Variants in ATP13A4 observed in about 807,000 individuals in gnomAD.
The protein encoded by ATP13A4 is ATPase 13A4, also known as probable cation-transporting ATPase 13A4.
In ATP13A4, 114 loss-of-function variants were observed where a neutral mutation model predicts 142.5. That is an observed-to-expected ratio of 0.80 (90% CI 0.69 to 0.93). The LOEUF (loss-of-function observed/expected upper bound fraction) is 0.93. ATP13A4 is among the 40% of genes least tolerant of loss of function. ATP13A4 has a pLI of 0.00. For missense variants in ATP13A4, 1,392 were observed against 1,454.0 expected, an observed-to-expected ratio of 0.96 and a Z score of 0.69; for synonymous variants, 488 against 514.8, an observed-to-expected ratio of 0.95 and a Z score of 0.70.
At position 193,454,113 on chromosome 3, in the gene ATP13A4, G is replaced by A. The variant is rs1442909383; in HGVS notation, c.2015C>T (p.Thr672Ile). Residue 672 changes from threonine to isoleucine, a missense_variant, in exon 17 of 30, where the codon ACT becomes ATT. By Grantham distance (89) the Thr-to-Ile change is moderately conservative. Transcript: ENST00000342695. ...CATCCCCATTTACCTCGTCAAGGTA[G>A]TAGCGTGATGGTCATTTTCCAGCTT... is the stretch of plus-strand genomic sequence containing the variant. ...YKKLENDHHA[T>I]TLTRETVESD... is the part of the protein sequence containing the mutation. The A allele has an allele frequency of 2.5e-6, 4 of 1,611,034 alleles. No homozygotes were observed. In the Admixed American group the frequency reaches 5.0e-5, roughly 20 times the overall value.
At chr3:193,411,591 A>G (rs906216642) in intron 27 of ATP13A4, among the ~76,000 whole-genome samples, 9 of 152,350 alleles carry the variant, frequency 5.9e-5, no homozygotes, top group South Asian at 2.1e-4. Context: ...AATTTTTTCA[A>G]TAAGAAGAGT....
intron 2 of ATP13A4, among the ~76,000 whole-genome samples, chr3:193,569,514 T>C (rs1268421191): frequency 1.6e-5 from 2 of 126,520 alleles, no homozygotes; most frequent in Admixed American, 7.5e-5. Context: ...TTGTTTTGGT[T>C]TGGTTTTTTT....
At chr3:193,505,355 C>T (rs1720804775) in intron 2 of ATP13A4, among the ~76,000 whole-genome samples, 1 of 152,160 alleles carries the variant, frequency 6.6e-6, no homozygotes, top group Admixed American at 6.6e-5. Flanking sequence ...TGTCCAGGTT[C>T]TCAAAGGCCA....
Position 193,406,430 on chromosome 3 carries a change from GAC to G in ATP13A4, c.3378+881_3378+882del, listed in dbSNP as rs762999862. Among the ~76,000 whole-genome samples the G allele has an allele frequency of 2.0e-5, 3 of 152,312 alleles. No homozygotes were observed. The East Asian group carries it at 5.8e-4, about 29-fold the overall frequency. On this transcript the variant is annotated intron_variant, in intron 29 of 29. Coordinates refer to ENST00000342695, the MANE Select transcript of ATP13A4 (RefSeq NM_032279.4). ...TTCTGTATCCCAGAGCAGAAATAGA[GAC>G]AGATGGAATTCTGCATCTCACCTCT...
In ATP13A4 at chr3:193,480,038, G is replaced by T. The variant is rs111638502; in HGVS notation, c.808+3898C>A. 6.7e-3 allele frequency among the ~76,000 whole-genome samples: 1,017 copies of T among 152,194 alleles called. 14 individuals are homozygous for T. The highest frequency in any genetic ancestry group is 0.023 in the African/African-American group (944 of 41,542). On this transcript the variant is annotated intron_variant, in intron 8 of 29. Coordinates refer to ENST00000342695, the MANE Select transcript of ATP13A4 (RefSeq NM_032279.4). ...GAAAGGTCACCCTAGTCAACAAATG[G>T]TGTTGGGATAATTGGCAAGCCACAT...
intron 1 of ATP13A4, among the ~76,000 whole-genome samples, chr3:193,584,132 C>T (rs1724624100): frequency 6.6e-6 from 1 of 152,268 alleles, no homozygotes; most frequent in African/African-American, 2.4e-5. Flanking sequence ...GTGCATGTGG[C>T]AAAGGGTAAT....
intron 25 of ATP13A4, among the ~76,000 whole-genome samples, chr3:193,423,121 G>T (rs1310224156): frequency 6.7e-6 from 1 of 149,610 alleles, no homozygotes; most frequent in Non-Finnish European, 1.5e-5. Flanking sequence ...TAGAATAAAT[G>T]GATAAATTCC....
chr3:193,563,149 C>A (rs531618296), intron 2 of ATP13A4, among the ~76,000 whole-genome samples: 2 of 151,662 alleles, frequency 1.3e-5, no homozygotes, highest in East Asian at 3.9e-4. Flanking sequence ...TTTTTCTTCC[C>A]AAAAAAATAT....
In ATP13A4 at chr3:193,442,400, C is replaced by G; in HGVS notation, c.2309G>C (p.Gly770Ala). 6.2e-7 allele frequency: 1 copy of G among 1,613,816 alleles called. No homozygotes were observed. The highest frequency in any genetic ancestry group is 1.3e-5 in the African/African-American group (1 of 75,030). Reference protein sequence around the residue: ...LVEEKKHIMYGNQDNYINIRD... With the variant: ...LVEEKKHIMYANQDNYINIRD... The stretch of plus-strand genomic sequence containing the variant: ...GTCTGTGTTCAGGAGTACCTGATTC[C>G]CATACATAATGTGTTTCTTCTCTTC... The change falls in exon 19 of 30, where the codon GGG becomes GCG. Residue 770 changes from glycine (G) to alanine (A), a missense_variant. Gly to Ala is a moderately conservative substitution (Grantham distance 60). Transcript: ENST00000342695.
chr3:193,466,980 G>A (rs4686642), intron 10 of ATP13A4, among the ~76,000 whole-genome samples: 29,991 of 151,906 alleles, frequency 0.2, 3,070 homozygotes, highest in South Asian at 0.34. Flanking sequence ...CTATTTGATA[G>A]TACAAAGGGT....
chr3:193,437,256 C>G (rs886744568), intron 23 of ATP13A4, among the ~76,000 whole-genome samples: 1 of 151,056 alleles, frequency 6.6e-6, no homozygotes, highest in Non-Finnish European at 1.5e-5. Flanking sequence ...GAGAGGTTTT[C>G]CCATACCACC....
intron 2 of ATP13A4, among the ~76,000 whole-genome samples, chr3:193,509,435 G>A (rs965375326): frequency 1.3e-5 from 2 of 152,180 alleles, no homozygotes; most frequent in African/African-American, 4.8e-5. Context: ...TACAATGTGT[G>A]CTCCTCAAAT....
rs569032231 is a variant in ATP13A4, at chr3:193,418,079, G to A, written c.2843-3329C>T. ...AGAGCTTGCAGTGAGCCGAGATCCCGCCACTGCACTCCAGCCTGGGCGACA... is the reference window on the plus strand; with the variant it reads ...AGAGCTTGCAGTGAGCCGAGATCCCACCACTGCACTCCAGCCTGGGCGACA... On this transcript the variant is annotated intron_variant, in intron 25 of 29. Coordinates refer to ENST00000342695, the MANE Select transcript of ATP13A4 (RefSeq NM_032279.4). Among the ~76,000 whole-genome samples the A allele has an allele frequency of 3.3e-3, 382 of 116,282 alleles. 13 individuals are homozygous for A. Among genetic ancestry groups the A allele is most frequent in the African/African-American group, 0.01 (298 of 28,946 alleles). 76.3% of individuals were successfully genotyped at this position (116,282 alleles called of 152,430 possible).
rs75578693 is a variant in ATP13A4, at chr3:193,517,250, T to C, written c.61-2379A>G. On this transcript the variant is annotated intron_variant, in intron 1 of 29. Transcript: ENST00000342695. The stretch of plus-strand genomic sequence containing the variant: ...GGCATGTGCTAGACGCAGAGATAAA[T>C]AAGACAATATCTCCAGTCTCAAGGA... 5.5e-3 allele frequency among the ~76,000 whole-genome samples: 835 copies of C among 152,282 alleles called. 15 individuals carry two copies. In the East Asian group the frequency reaches 0.07, roughly 13 times the overall value.
chr3:193,505,362 G>A (rs1238017692), intron 2 of ATP13A4, among the ~76,000 whole-genome samples: 3 of 152,052 alleles, frequency 2.0e-5, no homozygotes, highest in Non-Finnish European at 4.4e-5. Context: ...GTTCTCAAAG[G>A]CCATATTAAT....
chr3:193,477,026 C>T (rs1719005333), intron 8 of ATP13A4, among the ~76,000 whole-genome samples: 1 of 151,876 alleles, frequency 6.6e-6, no homozygotes, highest in African/African-American at 2.4e-5. Context: ...GATAGACTTG[C>T]TCAATGTAGG....
intron 1 of ATP13A4, among the ~76,000 whole-genome samples, chr3:193,590,592 G>A (rs972748280): frequency 6.6e-6 from 1 of 152,124 alleles, no homozygotes; most frequent in African/African-American, 2.4e-5. Flanking sequence ...TGAGCAACGA[G>A]GGAGTTAGCT....
intron 2 of ATP13A4, among the ~76,000 whole-genome samples, chr3:193,575,167 T>C (rs1724365261): frequency 6.6e-6 from 1 of 152,108 alleles, no homozygotes; most frequent in East Asian, 1.9e-4. Context: ...AGCCACTAAG[T>C]TTTGGGTTGT....
chr3:193,562,939 G>T (rs1237651061), intron 2 of ATP13A4, among the ~76,000 whole-genome samples: 1 of 152,120 alleles, frequency 6.6e-6, no homozygotes, highest in Admixed American at 6.6e-5. Context: ...TGACAGCCAT[G>T]AAAAATTTGG....
Sources: gnomAD v4.1 joint callset for allele counts (sites outside exome capture counted in the v4.1 genomes callset) on GRCh38, gnomAD v4.1.1 for gene constraint, MANE v1.5 for transcripts, NCBI Gene and HGNC (gene_info 2026-07-23, HGNC 2026-07-21) for gene names.